Variants in CLASP1 observed in about 807,000 individuals in gnomAD.
CLASP1 encodes the protein cytoplasmic linker associated protein 1, also known as CLIP-associating protein 1.
CLASP1 carries 38 observed loss-of-function variants against 192.3 expected under a neutral mutation model. The ratio of observed to expected loss-of-function variants is 0.20; its 90% CI spans 0.15 to 0.26. CLASP1 has a LOEUF of 0.26. Among genes scored for constraint, CLASP1 ranks in the 10% least tolerant of loss-of-function variants. The pLI is 1.00. For missense variants in CLASP1, 1,433 were observed against 1,932.5 expected (o/e 0.74, Z 4.85); for synonymous variants, 691 against 712.8 (o/e 0.97, Z 0.49).
intron 1 of CLASP1, among the ~76,000 whole-genome samples, chr2:121,638,986 C>G (rs995272287): frequency 1.3e-5 from 2 of 152,100 alleles, no homozygotes. Context: ...GAGTACACTG[C>G]GCAAATGGGG....
intron 36 of CLASP1, 190 bp downstream of exon 37, chr2:121,364,904 C>T (rs2067091273): frequency 1.6e-6 from 1 of 625,528 alleles, no homozygotes; most frequent in African/African-American, 1.8e-5. Flanking sequence ...CAAGCAGCAG[C>T]TTGTTGCTGA....
At chr2:121,566,266 T>C (rs530984453) in intron 2 of CLASP1, among the ~76,000 whole-genome samples, 49 of 152,368 alleles carry the variant, frequency 3.2e-4, no homozygotes, top group African/African-American at 1.1e-3. Flanking sequence ...CTTGCATTTC[T>C]TGGACCCCGT....
At chr2:121,594,359 T>C (rs998581249) in intron 2 of CLASP1, among the ~76,000 whole-genome samples, 2 of 151,838 alleles carry the variant, frequency 1.3e-5, no homozygotes, top group African/African-American at 2.4e-5. Flanking sequence ...AGGTGAAATT[T>C]GAGTATGTCT....
chr2:121,491,464 T>C (rs1233517905), intron 8 of CLASP1, among the ~76,000 whole-genome samples: 4 of 152,334 alleles, frequency 2.6e-5, no homozygotes, highest in African/African-American at 9.6e-5. Flanking sequence ...CATTAAGTGG[T>C]TGCAGATAAA....
chr2:121,567,857 T>C (rs2059640298), intron 2 of CLASP1, among the ~76,000 whole-genome samples: 2 of 152,148 alleles, frequency 1.3e-5, no homozygotes, highest in South Asian at 2.1e-4. Context: ...ATACACGATA[T>C]CAGAGTTTAG....
intron 33 of CLASP1, among the ~76,000 whole-genome samples, chr2:121,381,856 T>C (rs2071748039): frequency 6.6e-6 from 1 of 152,212 alleles, no homozygotes; most frequent in Non-Finnish European, 1.5e-5. Flanking sequence ...AGACGCATGC[T>C]AAGGAAACTG....
At chr2:121,338,274 A>C (rs2062499720) in exon 40 of CLASP1, 4 of 152,236 alleles carry the variant, frequency 2.6e-5, no homozygotes, top group Admixed American at 2.6e-4. Context: ...GCATCGCCGC[A>C]GGTCCGGGAA....
At chr2:121,631,052 G>A (rs1228290564) in intron 1 of CLASP1, among the ~76,000 whole-genome samples, 3 of 148,838 alleles carry the variant, frequency 2.0e-5, no homozygotes, top group Non-Finnish European at 4.5e-5. Context: ...CCAGCTACTC[G>A]GGAGACTGAG....
chr2:121,416,271 T>C (rs763777395), intron 23 of CLASP1, among the ~76,000 whole-genome samples: 12 of 152,224 alleles, frequency 7.9e-5, no homozygotes, highest in African/African-American at 2.7e-4. Flanking sequence ...GCCTAATTTA[T>C]AGCAGCCCTA....
chr2:121,595,665 T>C (rs929976548), intron 2 of CLASP1, among the ~76,000 whole-genome samples: 2 of 152,242 alleles, frequency 1.3e-5, no homozygotes, highest in African/African-American at 2.4e-5. Flanking sequence ...AGCCAGCTGC[T>C]GCTCTACTCA....
At chr2:121,404,418 T>A in exon 26 of CLASP1, 1 of 1,611,402 alleles carries the variant, frequency 6.2e-7, no homozygotes, top group Admixed American at 1.7e-5. Context: ...TCACACAACC[T>A]TTTCAGTTCA....
intron 37 of CLASP1, among the ~76,000 whole-genome samples, chr2:121,358,697 A>G (rs1407148941): frequency 6.6e-6 from 1 of 152,232 alleles, no homozygotes; most frequent in Non-Finnish European, 1.5e-5. Context: ...TTAATTCTTT[A>G]AAGTCATAAA....
At chr2:121,483,220 C>G (rs911155827) in intron 8 of CLASP1, among the ~76,000 whole-genome samples, 19 of 152,164 alleles carry the variant, frequency 1.2e-4, no homozygotes, top group African/African-American at 4.6e-4. Flanking sequence ...GTCTGTGAAT[C>G]ACCTCACTAT....
chr2:121,574,975 A>T (rs2060357933), intron 2 of CLASP1, among the ~76,000 whole-genome samples: 1 of 152,050 alleles, frequency 6.6e-6, no homozygotes, highest in African/African-American at 2.4e-5. Flanking sequence ...GAGAGATTTT[A>T]AATCTTCTCA....
Position 121,343,316 on chromosome 2 carries a change from T to C in CLASP1, c.4531-2369A>G, listed in dbSNP as rs1488188959. 6.6e-5 allele frequency among the ~76,000 whole-genome samples: 10 copies of C among 152,310 alleles called. No individual in the cohort carries two copies. In the East Asian group the frequency reaches 1.9e-3, roughly 29 times the overall value. ...TCAGAACGTAAAATGGTGCAATCTC[T>C]GTGGAAAACAGCAGGGAGGTTCCCT... is the stretch of plus-strand genomic sequence containing the variant. On this transcript the variant is annotated intron_variant, in intron 39 of 39. Coordinates refer to ENST00000263710, the Ensembl canonical transcript of CLASP1.
At chr2:121,367,645 C>A in exon 35 of CLASP1, 1 of 1,614,018 alleles carries the variant, frequency 6.2e-7, no homozygotes, top group Non-Finnish European at 8.5e-7. Context: ...GCGGTCTTGT[C>A]GTAGGTGTTG....
chr2:121,432,101 CTTT>C (rs1343811268), intron 19 of CLASP1, among the ~76,000 whole-genome samples: 7 of 151,512 alleles, frequency 4.6e-5, no homozygotes, highest in South Asian at 2.1e-4. Flanking sequence ...CTGTGATTAG[CTTT>C]TTATTAATTT....
At chr2:121,478,204 T>C (rs2091874069) in intron 8 of CLASP1, among the ~76,000 whole-genome samples, 1 of 152,098 alleles carries the variant, frequency 6.6e-6, no homozygotes. Flanking sequence ...CATATTAATA[T>C]AATAAAAGAC....
At chr2:121,405,932 G>A (rs1291503519) in intron 25 of CLASP1, among the ~76,000 whole-genome samples, 1 of 152,192 alleles carries the variant, frequency 6.6e-6, no homozygotes. Flanking sequence ...CAACTCATCA[G>A]GCAGTGCTCA....
Sources: gnomAD v4.1 joint callset for allele counts (sites outside exome capture counted in the v4.1 genomes callset) on GRCh38, gnomAD v4.1.1 for gene constraint, MANE v1.5 for transcripts, NCBI Gene and HGNC (gene_info 2026-07-23, HGNC 2026-07-21) for gene names.